Variants in ZNF782 observed in about 807,000 individuals in gnomAD.
The protein encoded by ZNF782 is zinc finger protein 782.
In ZNF782, 12 loss-of-function variants were observed where a neutral mutation model predicts 13.0. The ratio of observed to expected loss-of-function variants is 0.92; its 90% CI spans 0.59 to 1.50. The LOEUF (loss-of-function observed/expected upper bound fraction) is 1.50, where lower values mean the gene tolerates loss of function less well. Ranked by LOEUF, ZNF782 falls within the 40% of genes most tolerant of loss-of-function variation. The probability of loss-of-function intolerance (pLI) is 0.00; values close to 1 mark genes in which losing one functional copy is unlikely to be tolerated. For synonymous variants in ZNF782, 284 were observed against 283.0 expected, an observed-to-expected ratio of 1.00 and a Z score of -0.04; for missense variants, 770 against 822.9, an observed-to-expected ratio of 0.94 and a Z score of 0.79.
At chr9:96,868,066 G>T (rs1190933559) in intron 1 of ZNF782, among the ~76,000 whole-genome samples, 1 of 152,156 alleles carries the variant, frequency 6.6e-6, no homozygotes, top group Admixed American at 6.5e-5. Flanking sequence ...ATGTTTTCTT[G>T]CAAAAGAAGT....
At chr9:96,849,525 T>G (rs567290439) in intron 3 of ZNF782, among the ~76,000 whole-genome samples, 2 of 152,308 alleles carry the variant, frequency 1.3e-5, no homozygotes, top group South Asian at 4.1e-4. Context: ...TCAAGATGGA[T>G]CAAAGACTTA....
intron 2 of ZNF782, among the ~76,000 whole-genome samples, chr9:96,852,392 C>G (rs1025608487): frequency 6.6e-6 from 1 of 152,198 alleles, no homozygotes; most frequent in Non-Finnish European, 1.5e-5. Flanking sequence ...GTAACCCCAG[C>G]ACTTCGGGAG....
the ZNF782 span, chr9:96,894,411 A>G: frequency 1.3e-5 from 2 of 151,906 alleles, no homozygotes; most frequent in South Asian, 4.2e-4. Flanking sequence ...ATCCTCCACC[A>G]TCTCCCAGGT....
At chr9:96,894,338 A>AT in the ZNF782 span, 3 of 152,082 alleles carry the variant, frequency 2.0e-5, no homozygotes, top group Admixed American at 1.3e-4. Flanking sequence ...AACTTAAAGC[A>AT]TAAAAAAAAA....
At chr9:96,930,026 C>T in the ZNF782 span, among the ~76,000 whole-genome samples, 3 of 152,290 alleles carry the variant, frequency 2.0e-5, no homozygotes, top group Non-Finnish European at 4.4e-5. Context: ...GGTGCATGCG[C>T]TGTATCCCTT....
the ZNF782 span, among the ~76,000 whole-genome samples, chr9:96,881,988 A>AGTAT: frequency 4.4e-4 from 66 of 148,394 alleles, no homozygotes; most frequent in Middle Eastern, 3.4e-3. Flanking sequence ...TGGAAGTATG[A>AGTAT]GTGTGTGTGT....
At chr9:96,908,151 T>C in the ZNF782 span, among the ~76,000 whole-genome samples, 31 of 151,944 alleles carry the variant, frequency 2.0e-4, no homozygotes, top group South Asian at 6.0e-3. Context: ...CTAACTACCA[T>C]TGAGTAAGCA....
At position 96,819,610 on chromosome 9, in the gene ZNF782, C is replaced by T. The variant is rs1195870902; in HGVS notation, c.413G>A (p.Cys138Tyr). Reference sequence around the variant, plus strand: ...CTGGCAAGCAGACCCCGCAATGTCACATTTACAAGGCATCATTCTTGCACG... The same window carrying T: ...CTGGCAAGCAGACCCCGCAATGTCATATTTACAAGGCATCATTCTTGCACG... ...IFRARMMPCKCDIAGSACQGL... is the reference protein window; with the variant it reads ...IFRARMMPCKYDIAGSACQGL... The change falls in exon 6 of 6, where the codon TGT becomes TAT. Residue 138 changes from cysteine (C) to tyrosine (Y), a missense_variant. Transcript: ENST00000481138. The T allele has an allele frequency of 3.1e-6, 5 of 1,613,914 alleles. No individual in the cohort carries two copies. Among genetic ancestry groups the T allele is most frequent in the Non-Finnish European group, 3.4e-6 (4 of 1,180,016 alleles).
At chr9:96,925,993 GCCA>G in the ZNF782 span, among the ~76,000 whole-genome samples, 2 of 131,788 alleles carry the variant, frequency 1.5e-5, no homozygotes, top group Non-Finnish European at 3.0e-5. Flanking sequence ...AGGACTTTTA[GCCA>G]CCACCTTCTA....
In ZNF782 at chr9:96,845,001, G is replaced by A; in HGVS notation, c.31C>T (p.Gln11Ter). Residue 11 changes from glutamine to a stop codon, truncating the protein, a stop_gained, in exon 4 of 6, where the codon CAG (glutamine) becomes TAG (stop). Transcript: ENST00000481138. LOFTEE classifies it high-confidence loss of function. ...TGGCTGAATTCCACAGTCACGTCCT[G>A]GAATGACACTGATGCCTGTAACAGC... is the stretch of plus-strand genomic sequence containing the variant. MNTFQASVSF[Q>*]DVTVEFSQEE... 1 of 1,613,904 alleles carries A rather than the reference G, an allele frequency of 6.2e-7. No homozygotes were observed. Among genetic ancestry groups the A allele is most frequent in the Admixed American group, 1.7e-5 (1 of 59,996 alleles).
chr9:96,913,342 A>G, the ZNF782 span, among the ~76,000 whole-genome samples: 1 of 151,846 alleles, frequency 6.6e-6, no homozygotes, highest in Non-Finnish European at 1.5e-5. Flanking sequence ...AAATCAAACC[A>G]TTAGAGTAGT....
At chr9:96,838,352 T>C (rs1456732381) in intron 4 of ZNF782, among the ~76,000 whole-genome samples, 1 of 152,238 alleles carries the variant, frequency 6.6e-6, no homozygotes, top group Non-Finnish European at 1.5e-5. Context: ...TCTATTGCTG[T>C]AGTCTAAAAA....
chr9:96,875,518 G>T (rs758968996), exon 1 of ZNF782: 2 of 456,762 alleles, frequency 4.4e-6, no homozygotes, highest in Non-Finnish European at 8.8e-6. Context: ...ACAGCTCGGG[G>T]TCTTGCCACA....
At chr9:96,885,128 C>A in the ZNF782 span, among the ~76,000 whole-genome samples, 10 of 150,632 alleles carry the variant, frequency 6.6e-5, no homozygotes, top group Admixed American at 5.9e-4. Context: ...TGCCAAGAAT[C>A]GGAAAAATCC....
At chr9:96,821,171 G>A (rs576671647) in intron 5 of ZNF782, among the ~76,000 whole-genome samples, 1 of 152,282 alleles carries the variant, frequency 6.6e-6, no homozygotes, top group East Asian at 1.9e-4. Context: ...TAAATATACT[G>A]CCTTAGTGCC....
chr9:96,887,342 A>AAGGAAGGAAGGAAGGAAGGAAGG, the ZNF782 span: 1 of 107,636 alleles, frequency 9.3e-6, no homozygotes, highest in Non-Finnish European at 2.0e-5. Flanking sequence ...AGGAAGGAAG[A>AAGGAAGGAAGGAAGGAAGGAAGG]AAGAAAGAAA....
the ZNF782 span, chr9:96,929,067 C>G: frequency 6.2e-7 from 1 of 1,610,454 alleles, no homozygotes; most frequent in South Asian, 1.1e-5. Flanking sequence ...GGGGCATTAT[C>G]CTAGTCTGCC....
the ZNF782 span, among the ~76,000 whole-genome samples, chr9:96,881,593 T>C: frequency 6.6e-6 from 1 of 152,152 alleles, no homozygotes; most frequent in African/African-American, 2.4e-5. Context: ...GTGTATGATA[T>C]GGAACATGTA....
chr9:96,844,538 T>C (rs1851288977), intron 4 of ZNF782, among the ~76,000 whole-genome samples: 1 of 151,476 alleles, frequency 6.6e-6, no homozygotes, highest in Non-Finnish European at 1.5e-5. Context: ...GGCAAAATTA[T>C]TGCAATAGAA....
Sources: allele counts gnomAD v4.1 joint callset (sites outside exome capture counted in the v4.1 genomes callset), GRCh38; gene constraint gnomAD v4.1.1; transcripts MANE v1.5; gene names NCBI Gene and HGNC (gene_info 2026-07-23, HGNC 2026-07-21).